KCNN3: variants seen among roughly 807,000 people sequenced by gnomAD.
KCNN3 encodes small conductance calcium-activated potassium channel protein 3.
KCNN3 carries 16 observed loss-of-function variants against 62.9 expected under a neutral mutation model. The observed-to-expected ratio is 0.25, with a 90% CI of 0.17 to 0.39. The LOEUF is 0.39. KCNN3 is among the 10% of genes least tolerant of loss of function. KCNN3 has a pLI of 1.00. For missense variants in KCNN3, 599 were observed against 949.4 expected (o/e 0.63, Z 4.85); for synonymous variants, 370 against 389.2 (o/e 0.95, Z 0.58).
intron 3 of KCNN3, among the ~76,000 whole-genome samples, chr1:154,760,583 G>A (rs903734552): frequency 1.3e-5 from 2 of 152,144 alleles, no homozygotes; most frequent in African/African-American, 4.8e-5. Flanking sequence ...CCGCCCACCT[G>A]GCCCTCCCTG....
At chr1:154,769,097 G>A (rs1015418620) in intron 3 of KCNN3, among the ~76,000 whole-genome samples, 3 of 151,848 alleles carry the variant, frequency 2.0e-5, no homozygotes, top group Admixed American at 6.6e-5. Context: ...TCTCCCATGA[G>A]CCTTCATGTC....
In KCNN3 at chr1:154,809,215, A is replaced by G. The variant is rs1036724513; in HGVS notation, c.1029+12874T>C. 3.3e-5 allele frequency among the ~76,000 whole-genome samples: 5 copies of G among 152,074 alleles called. No homozygotes were observed. Among genetic ancestry groups the G allele is most frequent in the Admixed American group, 3.3e-4 (5 of 15,272 alleles). ...TTCACCCGTCCATTTCACAGACTCA[A>G]CACTCAGCCCCAGCAGCCAAGCCCC... On this transcript the variant is annotated intron_variant, in intron 2 of 7. Transcript: ENST00000271915. The surrounding 1 kb of genome is among the most constrained non-coding windows in gnomAD (Gnocchi z 4.3).
intron 1 of KCNN3, among the ~76,000 whole-genome samples, chr1:154,860,897 T>C (rs985514123): frequency 5.9e-5 from 9 of 151,592 alleles, no homozygotes; most frequent in Middle Eastern, 3.4e-3. Flanking sequence ...ACTGAGGAAA[T>C]AGGCTTTGGG....
At chr1:154,758,471 G>A (rs1471994879) in intron 3 of KCNN3, among the ~76,000 whole-genome samples, 1 of 152,272 alleles carries the variant, frequency 6.6e-6, no homozygotes, top group Non-Finnish European at 1.5e-5. Context: ...GTTGCAGCAT[G>A]TCTGGCCCTG....
chr1:154,792,129 G>T (rs1448453083), intron 2 of KCNN3, among the ~76,000 whole-genome samples: 2 of 152,188 alleles, frequency 1.3e-5, no homozygotes, highest in Non-Finnish European at 2.9e-5. Flanking sequence ...AAAATGGGTG[G>T]CACTCACTGT....
intron 2 of KCNN3, among the ~76,000 whole-genome samples, chr1:154,807,106 T>C (rs926892252): frequency 2.0e-5 from 3 of 151,950 alleles, no homozygotes; most frequent in Admixed American, 6.5e-5. Flanking sequence ...CACATACACA[T>C]GCAGTCAACC....
At chr1:154,762,412 A>C (rs1173443837) in intron 3 of KCNN3, among the ~76,000 whole-genome samples, 4 of 152,204 alleles carry the variant, frequency 2.6e-5, no homozygotes, top group Non-Finnish European at 5.9e-5. Flanking sequence ...CTTTGATTAG[A>C]GGGACTGAAT....
chr1:154,745,040 C>A (rs1163105635), intron 3 of KCNN3, among the ~76,000 whole-genome samples: 1 of 151,950 alleles, frequency 6.6e-6, no homozygotes, highest in Non-Finnish European at 1.5e-5. Flanking sequence ...GCCTATCAAA[C>A]CACGTGCCCA....
chr1:154,865,288 C>T (rs1486106877), intron 1 of KCNN3, among the ~76,000 whole-genome samples: 1 of 151,870 alleles, frequency 6.6e-6, no homozygotes, highest in African/African-American at 2.4e-5. Flanking sequence ...TTAAGATTCT[C>T]AACAGAATCT....
Position 154,809,090 on chromosome 1 carries a change from G to A in KCNN3, c.1029+12999C>T, listed in dbSNP as rs1395387110. ...GTGGTCATAGCCAGGCCCAGCTGCT[G>A]TGGCTGAGCAGTGTCTCTGAGAACG... is the stretch of plus-strand genomic sequence containing the variant. On this transcript the variant is annotated intron_variant, in intron 2 of 7. Transcript: ENST00000271915. This position sits in a 1 kb window ranked among gnomAD's most constrained non-coding sequence, Gnocchi z 4.3. 3.3e-5 allele frequency among the ~76,000 whole-genome samples: 5 copies of A among 152,226 alleles called. No homozygotes were observed. Among genetic ancestry groups the A allele is most frequent in the African/African-American group, 1.2e-4 (5 of 41,452 alleles).
chr1:154,859,787 AAGG>A, intron 1 of KCNN3: 1 of 1,613,984 alleles, frequency 6.2e-7, no homozygotes, highest in Non-Finnish European at 8.5e-7. Context: ...AGCAAGCTCT[AAGG>A]AGTAGGTGCC....
chr1:154,769,234 G>A (rs1324975708), intron 3 of KCNN3, among the ~76,000 whole-genome samples: 1 of 152,150 alleles, frequency 6.6e-6, no homozygotes, highest in Non-Finnish European at 1.5e-5. Context: ...AAGCTGGGAT[G>A]ACATATGGAT....
intron 2 of KCNN3, among the ~76,000 whole-genome samples, chr1:154,778,611 CTTTTTTTTTTTTTT>C (rs11459390): frequency 1.4e-5 from 1 of 73,602 alleles, no homozygotes; most frequent in Non-Finnish European, 2.5e-5. Flanking sequence ...CTCTCTGTCT[CTTTTTTTTTTTTTT>C]TTTTTTTTTT....
intron 2 of KCNN3, among the ~76,000 whole-genome samples, chr1:154,793,795 C>A (rs2101865790): frequency 6.6e-6 from 1 of 152,252 alleles, no homozygotes; most frequent in East Asian, 1.9e-4. Flanking sequence ...TCAAGGAATA[C>A]TAAAGACCTG....
chr1:154,734,459 C>A (rs933780530), intron 3 of KCNN3, among the ~76,000 whole-genome samples: 1 of 152,180 alleles, frequency 6.6e-6, no homozygotes, highest in Non-Finnish European at 1.5e-5. Flanking sequence ...CACAACGTGC[C>A]GGGACAGGCC....
At chr1:154,819,655 G>A (rs1334168891) in intron 2 of KCNN3, among the ~76,000 whole-genome samples, 1 of 152,218 alleles carries the variant, frequency 6.6e-6, no homozygotes, top group Non-Finnish European at 1.5e-5. Flanking sequence ...GAGGCACAGA[G>A]GAAGCCGGTT....
At chr1:154,732,255 T>C (rs1700611562) in intron 4 of KCNN3, among the ~76,000 whole-genome samples, 1 of 152,160 alleles carries the variant, frequency 6.6e-6, no homozygotes, top group Non-Finnish European at 1.5e-5. Flanking sequence ...TAAGCCACAC[T>C]GTGATGGCCA....
At chr1:154,806,239 C>T (rs1650169035) in intron 2 of KCNN3, among the ~76,000 whole-genome samples, 1 of 152,210 alleles carries the variant, frequency 6.6e-6, no homozygotes, top group African/African-American at 2.4e-5. Flanking sequence ...GAGTTCATCT[C>T]AAGGTGTTGG....
At chr1:154,708,345 G>T in intron 7 of KCNN3, 73 bp from the exon 8 acceptor site, 1 of 1,462,708 alleles carries the variant, frequency 6.8e-7, no homozygotes, top group South Asian at 1.1e-5. Context: ...TGGGAGAAAT[G>T]AAACGCCCTC....
Sources: gnomAD v4.1 joint callset for allele counts (sites outside exome capture counted in the v4.1 genomes callset) on GRCh38, gnomAD v4.1.1 for gene constraint, Gnocchi (gnomAD v3.1) non-coding constraint, MANE v1.5 for transcripts, NCBI Gene and HGNC (gene_info 2026-07-23, HGNC 2026-07-21) for gene names.